Variants in GPC6 observed in about 807,000 individuals in gnomAD.
GPC6 encodes glypican-6.
A neutral mutation model predicts 55.2 loss-of-function variants in GPC6; 14 were observed. That is an observed-to-expected ratio of 0.25 (90% CI 0.17 to 0.40). The LOEUF is 0.40. Ranked by LOEUF, GPC6 falls within the 10% of genes least tolerant of loss-of-function variation. The pLI is 1.00. For missense variants in GPC6, 641 were observed against 708.5 expected (o/e 0.90, Z 1.08); for synonymous variants, 278 against 259.6 (o/e 1.07, Z -0.68).
intron 2 of GPC6, among the ~76,000 whole-genome samples, chr13:93,703,063 G>A (rs1473638568): frequency 1.3e-5 from 2 of 151,830 alleles, no homozygotes; most frequent in Non-Finnish European, 2.9e-5. Flanking sequence ...CTCAGCTTTT[G>A]AAATGCTTAC....
chr13:94,019,077 G>A (rs1882600803), intron 3 of GPC6, among the ~76,000 whole-genome samples: 1 of 152,148 alleles, frequency 6.6e-6, no homozygotes, highest in South Asian at 2.1e-4. Context: ...TGCTCTCTCA[G>A]AATGAGTTAG....
Position 94,347,514 on chromosome 13 carries a change from T to A in GPC6, c.1153-34900T>A, listed in dbSNP as rs1255047124. ...CCAAATATCATGACTAATAATTTCA[T>A]ACTAAAACAGAAATTGAATTTTTCT... On this transcript the variant is annotated intron_variant, in intron 6 of 8. Transcript: ENST00000377047. Among the ~76,000 whole-genome samples the A allele has an allele frequency of 2.0e-5, 3 of 152,206 alleles. No individual in the cohort carries two copies. The East Asian group carries it at 5.8e-4, about 29-fold the overall frequency.
chr13:93,929,469 C>G (rs935855405), intron 3 of GPC6, among the ~76,000 whole-genome samples: 1 of 152,166 alleles, frequency 6.6e-6, no homozygotes, highest in African/African-American at 2.4e-5. Context: ...TAAAAAATCT[C>G]TAACATTTTA....
intron 3 of GPC6, chr13:93,831,025 A>G (rs1887472041): frequency 6.3e-6 from 1 of 159,024 alleles, no homozygotes; most frequent in Admixed American, 6.2e-5. Flanking sequence ...ACACATGTCA[A>G]TGTGGCCAAA....
chr13:94,112,305 C>T (rs1886274316), intron 4 of GPC6, among the ~76,000 whole-genome samples: 1 of 152,214 alleles, frequency 6.6e-6, no homozygotes, highest in South Asian at 2.1e-4. Context: ...ATTGTTATTT[C>T]ATTTGCTAAA....
At chr13:94,325,164 G>A (rs1877048953) in intron 6 of GPC6, among the ~76,000 whole-genome samples, 1 of 151,204 alleles carries the variant, frequency 6.6e-6, no homozygotes, top group Non-Finnish European at 1.5e-5. Flanking sequence ...AGGGAGGGAG[G>A]GAGAAAGGAG....
intron 2 of GPC6, among the ~76,000 whole-genome samples, chr13:93,736,290 T>C (rs1884000054): frequency 6.6e-6 from 1 of 152,236 alleles, no homozygotes; most frequent in East Asian, 1.9e-4. Context: ...TGGGAAACTT[T>C]AACAGCAAGT....
intron 3 of GPC6, among the ~76,000 whole-genome samples, chr13:93,924,291 G>A (rs1172288031): frequency 6.6e-6 from 1 of 152,226 alleles, no homozygotes; most frequent in Non-Finnish European, 1.5e-5. Flanking sequence ...AGAGTGGTAT[G>A]TGCCTGGTGG....
chr13:93,699,032 A>C (rs1882578633), intron 2 of GPC6, among the ~76,000 whole-genome samples: 1 of 152,100 alleles, frequency 6.6e-6, no homozygotes, highest in Non-Finnish European at 1.5e-5. Flanking sequence ...AATGGGAACG[A>C]AGTAGAATAT....
chr13:93,229,582 T>A (rs563547114), intron 1 of GPC6, among the ~76,000 whole-genome samples: 1 of 152,334 alleles, frequency 6.6e-6, no homozygotes, highest in Admixed American at 6.5e-5. Flanking sequence ...TTGAGAACAT[T>A]CCCAGGGGTT....
chr13:94,248,923 A>G (rs1373790251), intron 4 of GPC6, among the ~76,000 whole-genome samples: 1 of 152,184 alleles, frequency 6.6e-6, no homozygotes, highest in Non-Finnish European at 1.5e-5. Context: ...GTTGCTGATG[A>G]AATGCATTGC....
chr13:93,594,101 T>A (rs2139512403), intron 2 of GPC6, among the ~76,000 whole-genome samples: 1 of 152,242 alleles, frequency 6.6e-6, no homozygotes, highest in East Asian at 1.9e-4. Flanking sequence ...TTGGAGAGGA[T>A]GGGAGCTTAG....
chr13:93,713,514 A>G (rs1883145035), intron 2 of GPC6, among the ~76,000 whole-genome samples: 1 of 151,698 alleles, frequency 6.6e-6, no homozygotes. Context: ...ATCTATTTAT[A>G]ATTGGAGACA....
chr13:93,359,288 AT>A (rs755467399), intron 1 of GPC6, among the ~76,000 whole-genome samples: 8 of 152,118 alleles, frequency 5.3e-5, no homozygotes, highest in Non-Finnish European at 1.2e-4. Context: ...GTAGAAAAAA[AT>A]AATAATAATA....
chr13:93,673,404 TTGGGAGGCCAAGG>T (rs1264668876), intron 2 of GPC6, among the ~76,000 whole-genome samples: 2 of 152,160 alleles, frequency 1.3e-5, no homozygotes, highest in Admixed American at 1.3e-4. Flanking sequence ...TTCCAACATT[TTGGGAGGCCAAGG>T]TGGGAGGATC....
intron 2 of GPC6, among the ~76,000 whole-genome samples, chr13:93,791,925 CTA>C (rs1424862085): frequency 2.6e-5 from 4 of 152,146 alleles, no homozygotes; most frequent in Non-Finnish European, 4.4e-5. Flanking sequence ...AATTTTCGAT[CTA>C]TAGTCTTATT....
chr13:94,394,592 G>T (rs1215402320), intron 7 of GPC6, among the ~76,000 whole-genome samples: 1 of 152,136 alleles, frequency 6.6e-6, no homozygotes, highest in African/African-American at 2.4e-5. Context: ...GGCTCATGAG[G>T]TCCTCATGCT....
chr13:93,300,331 C>T (rs1157827115), intron 1 of GPC6, among the ~76,000 whole-genome samples: 1 of 152,102 alleles, frequency 6.6e-6, no homozygotes, highest in Non-Finnish European at 1.5e-5. Context: ...GTAAATTCAG[C>T]AAGTTCCTTT....
chr13:93,445,233 C>T (rs542225115), intron 1 of GPC6, among the ~76,000 whole-genome samples: 100 of 152,216 alleles, frequency 6.6e-4, no homozygotes, highest in Non-Finnish European at 1.2e-3. Context: ...TCGTAACCAG[C>T]CTATGTTTAG....
Sources: allele counts gnomAD v4.1 joint callset (sites outside exome capture counted in the v4.1 genomes callset), GRCh38; gene constraint gnomAD v4.1.1; transcripts MANE v1.5; gene names NCBI Gene and HGNC (gene_info 2026-07-23, HGNC 2026-07-21).